The following SLC4A10 variants were observed in gnomAD, a reference collection of about 807,000 sequenced individuals.
SLC4A10 encodes sodium-driven chloride bicarbonate exchanger.
In SLC4A10, 42 loss-of-function variants were observed where a neutral mutation model predicts 137.7. The ratio of observed to expected loss-of-function variants is 0.30; its 90% CI spans 0.24 to 0.39. The LOEUF is 0.39. Among genes scored for constraint, SLC4A10 ranks in the 10% least tolerant of loss-of-function variants. The pLI is 1.00. For synonymous variants in SLC4A10, 474 were observed against 464.1 expected (o/e 1.02, Z -0.27); for missense variants, 925 against 1,355.0 (o/e 0.68, Z 4.98).
At chr2:161,655,266 G>A (rs2037350931) in intron 1 of SLC4A10, among the ~76,000 whole-genome samples, 1 of 151,952 alleles carries the variant, frequency 6.6e-6, no homozygotes, top group African/African-American at 2.4e-5. Context: ...TTTTTGGTGG[G>A]ATATTTAGGT....
intron 1 of SLC4A10, among the ~76,000 whole-genome samples, chr2:161,697,982 T>C (rs908933131): frequency 6.6e-6 from 1 of 152,260 alleles, no homozygotes; most frequent in African/African-American, 2.4e-5. Flanking sequence ...TTTTATTTCA[T>C]TGAGCAGTGG....
At chr2:161,956,173 TC>T (rs1464425131) in intron 19 of SLC4A10, among the ~76,000 whole-genome samples, 2 of 152,172 alleles carry the variant, frequency 1.3e-5, no homozygotes, top group African/African-American at 4.8e-5. Context: ...CAGATATTAT[TC>T]CAAATGATTT....
At chr2:161,708,025 T>G (rs1242574730) in intron 1 of SLC4A10, among the ~76,000 whole-genome samples, 1 of 151,212 alleles carries the variant, frequency 6.6e-6, no homozygotes, top group Non-Finnish European at 1.5e-5. Flanking sequence ...TTTTGCATGT[T>G]AAACTTTTTA....
At chr2:161,686,755 T>G (rs1248090815) in intron 1 of SLC4A10, among the ~76,000 whole-genome samples, 1 of 152,220 alleles carries the variant, frequency 6.6e-6, no homozygotes, top group Admixed American at 6.5e-5. Context: ...ATTGTTTATT[T>G]ATTTGCAAAG....
chr2:161,819,342 A>G (rs2057411675), intron 3 of SLC4A10, among the ~76,000 whole-genome samples: 2 of 152,160 alleles, frequency 1.3e-5, no homozygotes, highest in Admixed American at 1.3e-4. Context: ...GCTCATACAA[A>G]AAACTTTTAA....
intron 15 of SLC4A10, among the ~76,000 whole-genome samples, chr2:161,934,425 C>T (rs1184225126): frequency 6.6e-6 from 1 of 152,078 alleles, no homozygotes; most frequent in Non-Finnish European, 1.5e-5. Context: ...CAAAGTCTGT[C>T]TTTCAGTGCC....
At chr2:161,752,418 G>A (rs1343053527) in intron 1 of SLC4A10, among the ~76,000 whole-genome samples, 3 of 151,918 alleles carry the variant, frequency 2.0e-5, no homozygotes, top group Non-Finnish European at 4.4e-5. Context: ...AAAATCAGAT[G>A]GCTCTTCATC....
intron 1 of SLC4A10, among the ~76,000 whole-genome samples, chr2:161,677,779 TGGC>T: frequency 6.6e-6 from 1 of 152,334 alleles, no homozygotes; most frequent in East Asian, 1.9e-4. Flanking sequence ...GAGAATTAAG[TGGC>T]AGCAAGATTT....
Position 161,984,787 on chromosome 2 carries a change from A to G in SLC4A10, c.*1635A>G, listed in dbSNP as rs1700627423. 1 of 152,106 alleles carries G rather than the reference A, an allele frequency of 6.6e-6. No individual in the cohort carries two copies. The highest frequency in any genetic ancestry group is 1.5e-5 in the Non-Finnish European group (1 of 67,960). 9.4% of individuals were successfully genotyped at this position (152,106 alleles called of 1,614,324 possible). On this transcript the variant is annotated 3_prime_UTR_variant, in exon 27 of 27. Coordinates refer to ENST00000446997, the MANE Select transcript of SLC4A10 (RefSeq NM_001178015.2). The stretch of plus-strand genomic sequence containing the variant: ...AAAAATACAGAAACTTTCTGTTCCA[A>G]ATGTGTTGCCTTTGTGTATTTTATA...
intron 3 of SLC4A10, among the ~76,000 whole-genome samples, chr2:161,837,676 A>G (rs1036317979): frequency 6.6e-6 from 1 of 152,240 alleles, no homozygotes; most frequent in East Asian, 1.9e-4. Context: ...GACTCATACC[A>G]TCTGACTTTA....
At chr2:161,771,124 G>T in intron 2 of SLC4A10, 70 bp downstream of exon 2, 1 of 1,160,710 alleles carries the variant, frequency 8.6e-7, no homozygotes. Context: ...AATGTAGTTT[G>T]TCACATTGTG....
intron 21 of SLC4A10, among the ~76,000 whole-genome samples, chr2:161,961,874 A>G (rs993963442): frequency 1.3e-5 from 2 of 152,194 alleles, no homozygotes; most frequent in African/African-American, 2.4e-5. Context: ...TGAAACATCA[A>G]TCTGGGGCAC....
At chr2:161,904,971 T>G in intron 14 of SLC4A10, 62 bp downstream of exon 14, 1 of 1,519,354 alleles carries the variant, frequency 6.6e-7, no homozygotes, top group Non-Finnish European at 9.0e-7. Flanking sequence ...TATTTATACT[T>G]CTCCCAACAT....
intron 1 of SLC4A10, among the ~76,000 whole-genome samples, chr2:161,682,205 T>G (rs1019490927): frequency 2.4e-4 from 37 of 152,144 alleles, no homozygotes; most frequent in South Asian, 6.2e-4. Context: ...CCCTCTCGAA[T>G]TTTAACAAGC....
chr2:161,922,707 T>C (rs1688356545), intron 15 of SLC4A10, among the ~76,000 whole-genome samples: 1 of 152,182 alleles, frequency 6.6e-6, no homozygotes, highest in African/African-American at 2.4e-5. Flanking sequence ...GATACCTTTT[T>C]CTTTTTTTAT....
chr2:161,772,625 T>G (rs2051778374), intron 2 of SLC4A10, among the ~76,000 whole-genome samples: 1 of 151,924 alleles, frequency 6.6e-6, no homozygotes, highest in Non-Finnish European at 1.5e-5. Context: ...TTCTATTTAC[T>G]GATTTCAATT....
chr2:161,804,322 T>G (rs2055687521), intron 2 of SLC4A10, 127 bp from the exon 3 acceptor site: 6 of 1,007,194 alleles, frequency 6.0e-6, no homozygotes, highest in Admixed American at 2.9e-5. Context: ...CCAAGCTTTA[T>G]GTATCATAAA....
chr2:161,970,870 T>G (rs1382220338), intron 23 of SLC4A10, among the ~76,000 whole-genome samples: 1 of 152,234 alleles, frequency 6.6e-6, no homozygotes, highest in Non-Finnish European at 1.5e-5. Context: ...TTGACTTCAA[T>G]TTATCTCTTC....
chr2:161,879,007 A>G (rs746660076), intron 8 of SLC4A10, 124 bp from the exon 9 acceptor site: 50 of 783,046 alleles, frequency 6.4e-5, no homozygotes, highest in Non-Finnish European at 8.4e-5. Flanking sequence ...GAGATGTTTA[A>G]CTGTGTGTAT....
Sources: allele counts gnomAD v4.1 joint callset (sites outside exome capture counted in the v4.1 genomes callset), GRCh38; gene constraint gnomAD v4.1.1; transcripts MANE v1.5; gene names NCBI Gene and HGNC (gene_info 2026-07-23, HGNC 2026-07-21).